RNF175: variants seen among roughly 807,000 people sequenced by gnomAD.
RNF175 encodes the protein ring finger protein 175.
RNF175 carries 38 observed loss-of-function variants against 50.0 expected under a neutral mutation model. The observed-to-expected ratio is 0.76, with a 90% CI of 0.59 to 1.00. RNF175 has a LOEUF of 1.00. RNF175 is among the 50% of genes least tolerant of loss of function. The pLI is 0.00. For synonymous variants in RNF175, 155 were observed against 146.1 expected, an observed-to-expected ratio of 1.06 and a Z score of -0.44; for missense variants, 388 against 409.6, an observed-to-expected ratio of 0.95 and a Z score of 0.46.
intron 5 of RNF175, chr4:153,723,068 C>A: frequency 4.8e-6 from 1 of 208,758 alleles, no homozygotes; most frequent in Non-Finnish European, 9.9e-6. Flanking sequence ...AAGAATTACT[C>A]TAGCACAATT....
At chr4:153,736,763 AG>A (rs1739373131) in intron 3 of RNF175, among the ~76,000 whole-genome samples, 1 of 152,204 alleles carries the variant, frequency 6.6e-6, no homozygotes. Flanking sequence ...TCAAAGAATT[AG>A]CCCACCTCAT....
chr4:153,746,394 G>A (rs1019361311), intron 3 of RNF175, among the ~76,000 whole-genome samples: 4 of 152,246 alleles, frequency 2.6e-5, no homozygotes, highest in Non-Finnish European at 4.4e-5. Context: ...GCTTTGCTAG[G>A]CTTAGCCCAC....
intron 3 of RNF175, among the ~76,000 whole-genome samples, chr4:153,747,874 T>C (rs565647158): frequency 3.3e-5 from 5 of 152,338 alleles, no homozygotes; most frequent in African/African-American, 1.2e-4. Context: ...GACTGGGTAA[T>C]AAATAATAAA....
At chr4:153,752,903 GT>G (rs1740365386) in intron 1 of RNF175, among the ~76,000 whole-genome samples, 2 of 151,952 alleles carry the variant, frequency 1.3e-5, no homozygotes, top group African/African-American at 4.8e-5. Context: ...TTATGGAAAG[GT>G]GTTCAAACTC....
chr4:153,740,547 T>C (rs1739598469), intron 3 of RNF175, among the ~76,000 whole-genome samples: 1 of 152,218 alleles, frequency 6.6e-6, no homozygotes, highest in African/African-American at 2.4e-5. Context: ...AATACCAGAA[T>C]TTATTCCTCA....
chr4:153,735,371 C>T (rs1201473570), intron 3 of RNF175, among the ~76,000 whole-genome samples: 1 of 152,056 alleles, frequency 6.6e-6, no homozygotes, highest in East Asian at 1.9e-4. Context: ...GCTCTCTATT[C>T]TGTTCCATTG....
intron 4 of RNF175, among the ~76,000 whole-genome samples, chr4:153,725,736 C>G (rs982076963): frequency 6.6e-6 from 1 of 152,204 alleles, no homozygotes; most frequent in African/African-American, 2.4e-5. Flanking sequence ...GAGGATAACA[C>G]TAGCTCCTAA....
intron 6 of RNF175, among the ~76,000 whole-genome samples, chr4:153,717,947 T>C (rs1738047120): frequency 6.6e-6 from 1 of 152,148 alleles, no homozygotes; most frequent in Non-Finnish European, 1.5e-5. Context: ...GTGTTATATA[T>C]CCACCGTTAT....
intron 3 of RNF175, among the ~76,000 whole-genome samples, chr4:153,746,940 C>T (rs1480612133): frequency 6.6e-6 from 1 of 152,230 alleles, no homozygotes; most frequent in African/African-American, 2.4e-5. Flanking sequence ...GGTTGAGCTG[C>T]ACCTGGGCTC....
At position 153,732,642 on chromosome 4, in the gene RNF175, G is replaced by A. The variant is rs191235558; in HGVS notation, c.247-4281C>T. ...CAAGTTCTGGGCATGTAGTCATCAG[G>A]CCTTCTACTGATTTGTGAAGTCAGA... On this transcript the variant is annotated intron_variant, in intron 3 of 8. Coordinates refer to ENST00000347063, the MANE Select transcript of RNF175 (RefSeq NM_173662.4). Among the ~76,000 whole-genome samples the A allele has an allele frequency of 4.5e-3, 688 of 152,298 alleles. 6 individuals carry two copies. Among genetic ancestry groups the A allele is most frequent in the Non-Finnish European group, 6.6e-3 (446 of 68,026 alleles).
At chr4:153,749,852 A>C (rs1446423110) in intron 2 of RNF175, among the ~76,000 whole-genome samples, 1 of 152,094 alleles carries the variant, frequency 6.6e-6, no homozygotes, top group Non-Finnish European at 1.5e-5. Context: ...GCCAACCAAA[A>C]CCTGCCAGCA....
chr4:153,730,318 C>A (rs1455850028), intron 3 of RNF175, among the ~76,000 whole-genome samples: 1 of 152,038 alleles, frequency 6.6e-6, no homozygotes, highest in East Asian at 1.9e-4. Flanking sequence ...TGCCTGTAGT[C>A]CCAGCTACTC....
chr4:153,751,410 C>T, intron 2 of RNF175, 28 bp downstream of exon 2: 5 of 1,463,590 alleles, frequency 3.4e-6, no homozygotes, highest in Non-Finnish European at 4.6e-6. Flanking sequence ...TTTAGCAAAA[C>T]AACTCTTAAA....
At chr4:153,746,770 ACT>A (rs1184579211) in intron 3 of RNF175, among the ~76,000 whole-genome samples, 1 of 151,714 alleles carries the variant, frequency 6.6e-6, no homozygotes, top group Non-Finnish European at 1.5e-5. Context: ...CCTCCTAGGC[ACT>A]CTCTGTGGCA....
chr4:153,728,914 C>T (rs1738871968), intron 3 of RNF175, among the ~76,000 whole-genome samples: 4 of 152,186 alleles, frequency 2.6e-5, no homozygotes. Flanking sequence ...AGTCCCAGGG[C>T]ACTCTGCAAG....
intron 6 of RNF175, among the ~76,000 whole-genome samples, chr4:153,718,510 C>T (rs868825929): frequency 6.6e-6 from 1 of 151,770 alleles, no homozygotes; most frequent in Non-Finnish European, 1.5e-5. Flanking sequence ...AAGAACTGGT[C>T]GGGTTGGATC....
At chr4:153,751,695 T>C (rs1740298913) in intron 1 of RNF175, among the ~76,000 whole-genome samples, 1 of 152,358 alleles carries the variant, frequency 6.6e-6, no homozygotes, top group East Asian at 1.9e-4. Context: ...TATTTGATCC[T>C]GTTCCTGGAT....
chr4:153,759,248 G>C (rs958705053), intron 1 of RNF175, among the ~76,000 whole-genome samples: 5 of 152,218 alleles, frequency 3.3e-5, no homozygotes, highest in Non-Finnish European at 5.9e-5. Flanking sequence ...ACAAGCTGAC[G>C]ATCAGGGTAC....
chr4:153,719,739 T>G (rs2606320), intron 6 of RNF175, among the ~76,000 whole-genome samples: 1 of 152,150 alleles, frequency 6.6e-6, no homozygotes, highest in Non-Finnish European at 1.5e-5. Context: ...GTATTTATAA[T>G]AAGTATTACC....
Sources: allele counts gnomAD v4.1 joint callset (sites outside exome capture counted in the v4.1 genomes callset), GRCh38; gene constraint gnomAD v4.1.1; transcripts MANE v1.5; gene names NCBI Gene and HGNC (gene_info 2026-07-23, HGNC 2026-07-21).